SEMA6D: variants seen among roughly 807,000 people sequenced by gnomAD.
SEMA6D encodes semaphorin-6D.
Under a neutral mutation model 106.6 loss-of-function variants are expected in SEMA6D, and 35 were observed. The ratio of observed to expected loss-of-function variants is 0.33; its 90% CI spans 0.25 to 0.44. SEMA6D has a LOEUF of 0.44. Ranked by LOEUF, SEMA6D falls within the 20% of genes least tolerant of loss-of-function variation. The probability of loss-of-function intolerance (pLI) is 1.00; values close to 1 mark genes in which losing one functional copy is unlikely to be tolerated. For missense variants in SEMA6D, 1,185 were observed against 1,345.9 expected (o/e 0.88, Z 1.87); for synonymous variants, 499 against 487.7 (o/e 1.02, Z -0.31).
intron 1 of SEMA6D, among the ~76,000 whole-genome samples, chr15:47,384,729 A>G (rs2039756512): frequency 6.6e-6 from 1 of 151,602 alleles, no homozygotes; most frequent in Non-Finnish European, 1.5e-5. Context: ...AGCCCGGAGT[A>G]AGGCTCACAC....
chr15:47,666,320 G>A (rs1451474348), intron 4 of SEMA6D, among the ~76,000 whole-genome samples: 1 of 152,182 alleles, frequency 6.6e-6, no homozygotes, highest in Non-Finnish European at 1.5e-5. Context: ...AATGGCAAGA[G>A]CCTTGCCCTA....
At position 47,771,483 on chromosome 15, in the gene SEMA6D, A is replaced by G. The variant is rs369289369; in HGVS notation, c.2920A>G (p.Ile974Val). ...CAAAAATTCCTCCCAGAGGCACTCT[A>G]TATCTGCTATGCCTAAAAACTTAAA... ...YHKNSSQRHS[I>V]SAMPKNLNSP... Residue 974 changes from isoleucine (I) to valine (V), a missense_variant, in exon 19 of 19, where the codon ATA (isoleucine) becomes GTA (valine). Around this residue, in one of 3 missense-constraint regions of SEMA6D, gnomAD observed 750 missense variants for 783.5 expected, o/e 0.96. Transcript: ENST00000536845. 14 of 1,614,018 alleles carry G rather than the reference A, an allele frequency of 8.7e-6. No homozygotes were observed. The highest frequency in any genetic ancestry group is 1.3e-5 in the African/African-American group (1 of 74,944).
At chr15:47,351,637 C>T (rs1164632270) in intron 1 of SEMA6D, among the ~76,000 whole-genome samples, 1 of 152,120 alleles carries the variant, frequency 6.6e-6, no homozygotes, top group Admixed American at 6.6e-5. Flanking sequence ...ACCTCCTTTA[C>T]CATATCACTT....
intron 1 of SEMA6D, among the ~76,000 whole-genome samples, chr15:47,270,997 T>G (rs376908974): frequency 6.6e-6 from 1 of 152,112 alleles, no homozygotes; most frequent in African/African-American, 2.4e-5. Flanking sequence ...AATACCTCAC[T>G]CCAAACAGCT....
At chr15:47,475,453 GTA>G (rs1186739523) in intron 3 of SEMA6D, among the ~76,000 whole-genome samples, 3 of 152,112 alleles carry the variant, frequency 2.0e-5, no homozygotes, top group Non-Finnish European at 4.4e-5. Context: ...TCATTTTTCT[GTA>G]TCATATATCA....
intron 1 of SEMA6D, among the ~76,000 whole-genome samples, chr15:47,312,905 A>G (rs552855765): frequency 1.3e-5 from 2 of 152,302 alleles, no homozygotes; most frequent in African/African-American, 2.4e-5. Context: ...CAGTTGCCAC[A>G]TGGGATTGGA....
intron 4 of SEMA6D, among the ~76,000 whole-genome samples, chr15:47,703,389 A>G (rs963456787): frequency 2.6e-5 from 4 of 152,228 alleles, no homozygotes; most frequent in African/African-American, 9.6e-5. Flanking sequence ...ATTTAAATAT[A>G]AAGGTGCACA....
At chr15:47,682,016 G>A (rs912920817) in intron 4 of SEMA6D, among the ~76,000 whole-genome samples, 12 of 152,080 alleles carry the variant, frequency 7.9e-5, no homozygotes, top group Non-Finnish European at 1.5e-4. Context: ...CCAAGTTTTA[G>A]CTCCATAACA....
chr15:47,569,739 A>G (rs2046327426), intron 3 of SEMA6D, among the ~76,000 whole-genome samples: 1 of 152,196 alleles, frequency 6.6e-6, no homozygotes, highest in Non-Finnish European at 1.5e-5. Context: ...TTAATAATTT[A>G]GTAAATTATC....
intron 1 of SEMA6D, among the ~76,000 whole-genome samples, chr15:47,748,831 G>C (rs2081277165): frequency 1.3e-5 from 2 of 152,160 alleles, no homozygotes; most frequent in South Asian, 4.1e-4. Context: ...TAGCATTTGT[G>C]TTTTAGAAAG....
intron 4 of SEMA6D, among the ~76,000 whole-genome samples, chr15:47,694,429 C>T (rs945645649): frequency 3.3e-5 from 5 of 152,084 alleles, no homozygotes; most frequent in Non-Finnish European, 7.3e-5. Flanking sequence ...GAACTTAAGA[C>T]TCCTCGCCTT....
At chr15:47,626,640 G>C (rs544694701) in intron 4 of SEMA6D, among the ~76,000 whole-genome samples, 1 of 152,270 alleles carries the variant, frequency 6.6e-6, no homozygotes, top group Admixed American at 6.5e-5. Flanking sequence ...TATTGTTGCT[G>C]CTGCTGTTCT....
intron 4 of SEMA6D, among the ~76,000 whole-genome samples, chr15:47,631,966 T>C (rs1180708404): frequency 6.6e-6 from 1 of 152,040 alleles, no homozygotes; most frequent in East Asian, 1.9e-4. Context: ...TCCCACATAA[T>C]TTGATATGTT....
chr15:47,360,914 G>A (rs1464610571), intron 1 of SEMA6D, among the ~76,000 whole-genome samples: 1 of 152,254 alleles, frequency 6.6e-6, no homozygotes, highest in African/African-American at 2.4e-5. Flanking sequence ...GTTTACATCT[G>A]TCTTTGAAAC....
At chr15:47,660,196 A>T (rs200619170) in intron 4 of SEMA6D, among the ~76,000 whole-genome samples, 8 of 38,782 alleles carry the variant, frequency 2.1e-4, no homozygotes, top group East Asian at 2.7e-3. Context: ...TCAACATAAT[A>T]AAAAAAAAAA....
chr15:47,759,286 G>A (rs2081938794), intron 1 of SEMA6D, among the ~76,000 whole-genome samples: 1 of 152,116 alleles, frequency 6.6e-6, no homozygotes, highest in Non-Finnish European at 1.5e-5. Context: ...GAGAGATTAT[G>A]ACAGGATCAT....
At chr15:47,649,857 T>C in intron 4 of SEMA6D, among the ~76,000 whole-genome samples, 1 of 152,316 alleles carries the variant, frequency 6.6e-6, no homozygotes, top group East Asian at 1.9e-4. Flanking sequence ...GGGCTAATAG[T>C]GTACTCTTAA....
At chr15:47,411,424 C>A (rs2040794978) in intron 1 of SEMA6D, among the ~76,000 whole-genome samples, 2 of 151,956 alleles carry the variant, frequency 1.3e-5, no homozygotes, top group African/African-American at 4.8e-5. Context: ...AAGAACTACC[C>A]CTATAGTTCT....
At position 47,768,696 on chromosome 15, in the gene SEMA6D, A is replaced by G; in HGVS notation, c.1881A>G (p.Gln627=). The change falls in exon 18 of 19, where the codon CAA becomes CAG. Residue 627 remains glutamine, a synonymous_variant. Coordinates refer to ENST00000536845, the MANE Select transcript of SEMA6D (RefSeq NM_001358351.3). ...CAAGCTCTCGGAAATTTGTAGTTCA[A>G]GATGATCCAAACACTTCTGATTTTA... is the stretch of plus-strand genomic sequence containing the variant. ...KLTSSRKFVV[Q]DDPNTSDFTD... 3 of 1,613,674 alleles carry G rather than the reference A, an allele frequency of 1.9e-6. No individual in the cohort carries two copies. In the South Asian group the frequency reaches 3.3e-5, roughly 18 times the overall value.
Sources: gnomAD v4.1 joint callset for allele counts (sites outside exome capture counted in the v4.1 genomes callset) on GRCh38, gnomAD v4.1.1 for gene constraint, gnomAD v4.1.1 regional missense constraint, MANE v1.5 for transcripts, NCBI Gene and HGNC (gene_info 2026-07-23, HGNC 2026-07-21) for gene names.